Variants in ADAMTSL1 observed in about 807,000 individuals in gnomAD.
ADAMTSL1 encodes the protein ADAMTS-like protein 1.
In ADAMTSL1, 126 loss-of-function variants were observed where a neutral mutation model predicts 201.8. The ratio of observed to expected loss-of-function variants is 0.62; its 90% confidence interval spans 0.54 to 0.72. The LOEUF is 0.72. ADAMTSL1 is among the 30% of genes least tolerant of loss of function. The probability of loss-of-function intolerance (pLI) is 0.00; values close to 1 mark genes in which losing one functional copy is unlikely to be tolerated. For synonymous variants in ADAMTSL1, 1,121 were observed against 903.4 expected (o/e 1.24, Z -4.32); for missense variants, 2,679 against 2,277.8 (o/e 1.18, Z -3.59).
chr9:18,019,436 G>A (rs944845054), intron 1 of ADAMTSL1, among the ~76,000 whole-genome samples: 2 of 151,990 alleles, frequency 1.3e-5, no homozygotes, highest in Non-Finnish European at 2.9e-5. Flanking sequence ...GAGTGTGACC[G>A]GACCTTTGTT....
At chr9:18,467,573 G>GA (rs780521082) in intron 2 of ADAMTSL1, among the ~76,000 whole-genome samples, 12 of 152,160 alleles carry the variant, frequency 7.9e-5, no homozygotes, top group Non-Finnish European at 1.6e-4. Flanking sequence ...AGCAAAAGGA[G>GA]AAAGTTTTTA....
At chr9:18,443,864 G>C (rs1174783577) in intron 2 of ADAMTSL1, among the ~76,000 whole-genome samples, 2 of 152,202 alleles carry the variant, frequency 1.3e-5, no homozygotes, top group Admixed American at 1.3e-4. Flanking sequence ...TAGATTGTCT[G>C]TATAGGCCAC....
chr9:18,609,866 A>G (rs776792), intron 4 of ADAMTSL1, among the ~76,000 whole-genome samples: 6 of 152,182 alleles, frequency 3.9e-5, no homozygotes, highest in African/African-American at 1.4e-4. Flanking sequence ...ATAAGCTATC[A>G]CCTCAAATCC....
At chr9:18,564,003 C>G (rs916172217) in intron 3 of ADAMTSL1, among the ~76,000 whole-genome samples, 23 of 152,240 alleles carry the variant, frequency 1.5e-4, no homozygotes, top group East Asian at 1.4e-3. Context: ...CTTCGGTGCC[C>G]CTTTTCAGGG....
intron 1 of ADAMTSL1, among the ~76,000 whole-genome samples, chr9:18,046,978 G>A (rs1196027675): frequency 1.3e-5 from 2 of 152,126 alleles, no homozygotes; most frequent in African/African-American, 2.4e-5. Context: ...GATCAGGGAT[G>A]TGTGTGGGAG....
intron 1 of ADAMTSL1, among the ~76,000 whole-genome samples, chr9:17,909,480 C>G (rs113572119): frequency 0.092 from 9,788 of 106,502 alleles, 1,034 homozygotes; most frequent in African/African-American, 0.18. Context: ...CTTTAATCAT[C>G]TTGAATTGAT....
At chr9:18,291,149 TA>T in intron 2 of ADAMTSL1, among the ~76,000 whole-genome samples, 1 of 114,946 alleles carries the variant, frequency 8.7e-6, no homozygotes, top group East Asian at 3.3e-4. Context: ...TAGGGATATG[TA>T]GGTAAGCTGA....
At chr9:18,277,411 T>C (rs1006529960) in intron 2 of ADAMTSL1, among the ~76,000 whole-genome samples, 7 of 152,202 alleles carry the variant, frequency 4.6e-5, no homozygotes, top group Non-Finnish European at 1.0e-4. Context: ...ATTTGGTTTA[T>C]ATATTTAAAT....
chr9:18,403,394 G>T (rs961988814), intron 2 of ADAMTSL1, among the ~76,000 whole-genome samples: 3 of 152,012 alleles, frequency 2.0e-5, no homozygotes. Context: ...ATATTGGCCA[G>T]CCTGGTCTCG....
At chr9:18,588,936 G>C (rs1178346053) in intron 4 of ADAMTSL1, among the ~76,000 whole-genome samples, 6 of 94,976 alleles carry the variant, frequency 6.3e-5, no homozygotes, top group African/African-American at 2.5e-4. Context: ...TTGAGACAGA[G>C]TCTCACTCTG....
chr9:18,051,546 CTT>C (rs200097532), intron 1 of ADAMTSL1, among the ~76,000 whole-genome samples: 40 of 140,712 alleles, frequency 2.8e-4, no homozygotes, highest in African/African-American at 3.1e-4. Context: ...CTTTTTAAAA[CTT>C]TTTTTTTTTT....
intron 23 of ADAMTSL1, among the ~76,000 whole-genome samples, chr9:18,845,519 T>C (rs1055547076): frequency 6.6e-6 from 1 of 152,244 alleles, no homozygotes; most frequent in African/African-American, 2.4e-5. Context: ...ATGTAGCAGC[T>C]CCACTTCTTA....
chr9:18,044,686 A>G (rs77082346), intron 1 of ADAMTSL1, among the ~76,000 whole-genome samples: 2,735 of 152,304 alleles, frequency 0.018, 33 homozygotes, highest in Non-Finnish European at 0.029. Flanking sequence ...CAGTGATCTC[A>G]GTTCTAAAAT....
intron 2 of ADAMTSL1, among the ~76,000 whole-genome samples, chr9:18,521,838 A>G (rs1290336432): frequency 6.6e-6 from 1 of 152,234 alleles, no homozygotes; most frequent in Non-Finnish European, 1.5e-5. Context: ...AAGCAAAGCT[A>G]AGAAAAAGAT....
intron 12 of ADAMTSL1, among the ~76,000 whole-genome samples, chr9:18,682,327 A>G (rs1830555565): frequency 6.6e-6 from 1 of 152,190 alleles, no homozygotes; most frequent in Admixed American, 6.5e-5. Context: ...GAATCCAAGT[A>G]TGTCTATTTT....
intron 14 of ADAMTSL1, among the ~76,000 whole-genome samples, chr9:18,720,647 G>A (rs578111209): frequency 4.9e-4 from 74 of 152,134 alleles, no homozygotes; most frequent in Non-Finnish European, 3.8e-4. Context: ...GCCGGCCATG[G>A]TGGCACACGC....
chr9:18,800,404 A>T (rs1050545763), intron 20 of ADAMTSL1, among the ~76,000 whole-genome samples: 3 of 143,454 alleles, frequency 2.1e-5, no homozygotes, highest in Non-Finnish European at 4.6e-5. Flanking sequence ...AAAAAAAAAA[A>T]GGAAAAATGG....
chr9:18,396,792 G>A (rs77852083), intron 2 of ADAMTSL1, among the ~76,000 whole-genome samples: 3,512 of 152,018 alleles, frequency 0.023, 143 homozygotes, highest in African/African-American at 0.081. Context: ...TAAATTACAA[G>A]CATAAAAACT....
intron 2 of ADAMTSL1, among the ~76,000 whole-genome samples, chr9:18,257,595 T>C (rs1445288261): frequency 1.3e-5 from 2 of 152,192 alleles, no homozygotes; most frequent in East Asian, 3.9e-4. Context: ...TGTAAAATAG[T>C]ACAGCCCCTA....
Sources: gnomAD v4.1 joint callset for allele counts (sites outside exome capture counted in the v4.1 genomes callset) on GRCh38, gnomAD v4.1.1 for gene constraint, MANE v1.5 for transcripts, NCBI Gene and HGNC (gene_info 2026-07-23, HGNC 2026-07-21) for gene names.